Variants in BCAS1 observed in about 807,000 individuals in gnomAD.
BCAS1 encodes the protein breast carcinoma-amplified sequence 1.
In BCAS1, 46 loss-of-function variants were observed where a neutral mutation model predicts 65.4. The observed-to-expected ratio is 0.70, with a 90% CI of 0.55 to 0.90. The LOEUF (loss-of-function observed/expected upper bound fraction) is 0.90, where lower values mean the gene tolerates loss of function less well. Among genes scored for constraint, BCAS1 ranks in the 40% least tolerant of loss-of-function variants. BCAS1 has a pLI of 0.00. For missense variants in BCAS1, 793 were observed against 771.2 expected (o/e 1.03, Z -0.33); for synonymous variants, 298 against 293.5 (o/e 1.02, Z -0.16).
intron 1 of BCAS1, among the ~76,000 whole-genome samples, chr20:54,063,699 T>G (rs931596061): frequency 6.6e-6 from 1 of 152,136 alleles, no homozygotes; most frequent in Non-Finnish European, 1.5e-5. Flanking sequence ...CCAGAATGAC[T>G]TGGGTGGAGA....
At chr20:53,983,749 A>C (rs759764031) in intron 8 of BCAS1, among the ~76,000 whole-genome samples, 1 of 152,126 alleles carries the variant, frequency 6.6e-6, no homozygotes, top group South Asian at 2.1e-4. Flanking sequence ...ATGATTCTCC[A>C]TTGGCTTGGT....
At chr20:53,946,918 TA>T (rs2089343587) in intron 12 of BCAS1, among the ~76,000 whole-genome samples, 1 of 151,944 alleles carries the variant, frequency 6.6e-6, no homozygotes, top group South Asian at 2.1e-4. Flanking sequence ...ATATAGTATA[TA>T]GAGTGTATTA....
chr20:53,951,400 T>C (rs2145490100), intron 12 of BCAS1, among the ~76,000 whole-genome samples: 1 of 152,260 alleles, frequency 6.6e-6, no homozygotes, highest in South Asian at 2.1e-4. Flanking sequence ...GAACCCGGGA[T>C]GCGGAGGTTG....
At chr20:53,948,626 A>T (rs1246207017) in intron 12 of BCAS1, among the ~76,000 whole-genome samples, 3 of 152,208 alleles carry the variant, frequency 2.0e-5, no homozygotes, top group Admixed American at 2.0e-4. Flanking sequence ...GAGGCCAGAG[A>T]CATAAATGCA....
rs118127290 is a variant in BCAS1, at chr20:54,018,080, C to T, written c.723+10312G>A. Reference sequence around the variant, plus strand: ...CAGACTTTCTAAGAATTGTTTGGCCCGTGCAAAGAAAGAAAGAAAAAGTCA... The same window carrying T: ...CAGACTTTCTAAGAATTGTTTGGCCTGTGCAAAGAAAGAAAGAAAAAGTCA... On this transcript the variant is annotated intron_variant, in intron 4 of 12. Coordinates refer to ENST00000688948, the MANE Select transcript of BCAS1 (RefSeq NM_001366298.2). Among the ~76,000 whole-genome samples the T allele has an allele frequency of 8.8e-3, 1,340 of 152,248 alleles. 14 individuals are homozygous for T. Among genetic ancestry groups the T allele is most frequent in the Middle Eastern group, 0.017 (5 of 294 alleles).
intron 9 of BCAS1, among the ~76,000 whole-genome samples, chr20:53,974,338 T>A (rs1413953141): frequency 6.6e-6 from 1 of 152,178 alleles, no homozygotes; most frequent in Non-Finnish European, 1.5e-5. Flanking sequence ...GCTGTAACAC[T>A]CACTGCGAAG....
At chr20:54,037,239 G>C (rs892497100) in intron 3 of BCAS1, among the ~76,000 whole-genome samples, 6 of 151,364 alleles carry the variant, frequency 4.0e-5, no homozygotes, top group African/African-American at 1.4e-4. Flanking sequence ...AAGTCAAAGG[G>C]GGAGCAAGGA....
intron 6 of BCAS1, among the ~76,000 whole-genome samples, chr20:53,993,672 G>T (rs1009848141): frequency 6.6e-6 from 1 of 152,156 alleles, no homozygotes; most frequent in African/African-American, 2.4e-5. Flanking sequence ...AGCCTTTTAC[G>T]CTATGTGGCT....
chr20:54,049,849 C>T (rs182935925), intron 3 of BCAS1, among the ~76,000 whole-genome samples: 1 of 152,294 alleles, frequency 6.6e-6, no homozygotes, highest in Admixed American at 6.5e-5. Flanking sequence ...ACTTCCTTGC[C>T]AAGGTTGTAC....
At chr20:54,023,913 G>A (rs1247524211) in intron 4 of BCAS1, among the ~76,000 whole-genome samples, 3 of 152,148 alleles carry the variant, frequency 2.0e-5, no homozygotes, top group Admixed American at 2.0e-4. Context: ...GACTATGGAA[G>A]GGAAAGGCAA....
At chr20:54,000,452 C>T (rs1360582180) in intron 4 of BCAS1, among the ~76,000 whole-genome samples, 1 of 152,204 alleles carries the variant, frequency 6.6e-6, no homozygotes, top group Non-Finnish European at 1.5e-5. Context: ...GACTTGTGCA[C>T]ATGGTACAAT....
intron 4 of BCAS1, among the ~76,000 whole-genome samples, chr20:54,022,976 T>C (rs1378697961): frequency 6.6e-6 from 1 of 152,220 alleles, no homozygotes; most frequent in Non-Finnish European, 1.5e-5. Flanking sequence ...AAAACTTGCA[T>C]AATGTAAGAT....
chr20:54,019,258 G>T (rs1377888844), intron 4 of BCAS1, among the ~76,000 whole-genome samples: 4 of 152,184 alleles, frequency 2.6e-5, no homozygotes, highest in Non-Finnish European at 5.9e-5. Flanking sequence ...CCTTGTTAGA[G>T]GCCCAACAGC....
At chr20:54,038,179 G>C (rs2091930718) in intron 3 of BCAS1, among the ~76,000 whole-genome samples, 1 of 151,056 alleles carries the variant, frequency 6.6e-6, no homozygotes, top group African/African-American at 2.4e-5. Flanking sequence ...CTTTCAATCT[G>C]GAAATATTTT....
At position 54,018,939 on chromosome 20, in the gene BCAS1, C is replaced by CA. The variant is rs139596178; in HGVS notation, c.723+9452dup. The stretch of plus-strand genomic sequence containing the variant: ...TCACATTCTGTCTGGAAATATAGGG[C>CA]AAAACTACCCATTATGGGGAAGTCT... On this transcript the variant is annotated intron_variant, in intron 4 of 12. Coordinates refer to ENST00000688948, the MANE Select transcript of BCAS1 (RefSeq NM_001366298.2). Among the ~76,000 whole-genome samples, 449 of 152,186 alleles carry CA rather than the reference C, an allele frequency of 3.0e-3. 2 individuals carry two copies. Among genetic ancestry groups the CA allele is most frequent in the African/African-American group, 0.01 (431 of 41,520 alleles).
At chr20:53,974,344 C>T (rs1005422872) in intron 9 of BCAS1, among the ~76,000 whole-genome samples, 1 of 152,136 alleles carries the variant, frequency 6.6e-6, no homozygotes, top group African/African-American at 2.4e-5. Flanking sequence ...ACACTCACTG[C>T]GAAGGTCTGT....
chr20:53,985,645 T>C, intron 7 of BCAS1, 146 bp from the exon 8 acceptor site: 1 of 707,594 alleles, frequency 1.4e-6, no homozygotes, highest in Non-Finnish European at 2.2e-6. Context: ...TAAAAATTTT[T>C]ACTGTGAATG....
At chr20:53,950,478 C>T (rs552598663) in intron 12 of BCAS1, among the ~76,000 whole-genome samples, 1 of 151,972 alleles carries the variant, frequency 6.6e-6, no homozygotes, top group Non-Finnish European at 1.5e-5. Flanking sequence ...ACACACCCCC[C>T]CATCCATACT....
intron 2 of BCAS1, 22 bp from the exon 3 acceptor site, chr20:54,058,176 T>C (rs369864417): frequency 1.8e-5 from 29 of 1,610,570 alleles, no homozygotes; most frequent in Admixed American, 5.0e-5. Flanking sequence ...CACGTGGCAT[T>C]GTGAGACAAA....
Sources: allele counts gnomAD v4.1 joint callset (sites outside exome capture counted in the v4.1 genomes callset), GRCh38; gene constraint gnomAD v4.1.1; transcripts MANE v1.5; gene names NCBI Gene and HGNC (gene_info 2026-07-23, HGNC 2026-07-21).